Variants in PDE10A observed in about 807,000 individuals in gnomAD.
The protein encoded by PDE10A is cAMP and cAMP-inhibited cGMP 3',5'-cyclic phosphodiesterase 10A.
A neutral mutation model predicts 97.7 loss-of-function variants in PDE10A; 39 were observed. That is an observed-to-expected ratio of 0.40 (90% confidence interval 0.31 to 0.52). The LOEUF (loss-of-function observed/expected upper bound fraction) is 0.52, where lower values mean the gene tolerates loss of function less well. Among genes scored for constraint, PDE10A ranks in the 20% least tolerant of loss-of-function variants. PDE10A has a pLI of 0.56. For missense variants in PDE10A, 731 were observed against 1,047.8 expected (o/e 0.70, Z 4.17); for synonymous variants, 371 against 376.8 (o/e 0.98, Z 0.18).
intron 1 of PDE10A, among the ~76,000 whole-genome samples, chr6:165,979,267 G>A (rs1282285211): frequency 6.6e-6 from 1 of 152,202 alleles, no homozygotes; most frequent in African/African-American, 2.4e-5. Flanking sequence ...AGCACCAAGG[G>A]AAGGAGCACG....
At chr6:165,724,833 T>C (rs1186508431) in intron 1 of PDE10A, among the ~76,000 whole-genome samples, 2 of 152,168 alleles carry the variant, frequency 1.3e-5, no homozygotes, top group Non-Finnish European at 2.9e-5. Context: ...GGCAGCAGCA[T>C]CGGCTTCCAG....
At chr6:165,650,429 C>G (rs910102249) in intron 1 of PDE10A, among the ~76,000 whole-genome samples, 4 of 152,112 alleles carry the variant, frequency 2.6e-5, no homozygotes, top group African/African-American at 9.7e-5. Flanking sequence ...TGTGTTTCTT[C>G]CCAGTTTCTT....
Position 165,958,530 on chromosome 6 carries a change from A to G in PDE10A, c.-615+28999T>C, listed in dbSNP as rs1349249660. Reference sequence around the variant, plus strand: ...GAAAGAAAGAAAGAAAGAAAGAAAGAAAGAAAGAAAGAAAGAAAGAAAGAA... The same window carrying G: ...GAAAGAAAGAAAGAAAGAAAGAAAGGAAGAAAGAAAGAAAGAAAGAAAGAA... On this transcript the variant is annotated intron_variant, in intron 1 of 19. Coordinates refer to the PDE10A transcript ENST00000366882. Among the ~76,000 whole-genome samples, 8 of 29,128 alleles carry G rather than the reference A, an allele frequency of 2.7e-4. 1 individual carries two copies. The highest frequency in any genetic ancestry group is 1.0e-3 in the African/African-American group (8 of 7,794). The allele number at this position is 29,128 out of a possible 152,430, so 19.1% of individuals were successfully genotyped here.
intron 1 of PDE10A, among the ~76,000 whole-genome samples, chr6:165,694,406 G>A (rs1029658157): frequency 5.3e-5 from 8 of 152,248 alleles, no homozygotes; most frequent in African/African-American, 1.9e-4. Flanking sequence ...GTGAGACAAG[G>A]ACGAACCATT....
intron 1 of PDE10A, among the ~76,000 whole-genome samples, chr6:165,576,191 A>C (rs551805220): frequency 1.3e-5 from 2 of 152,352 alleles, no homozygotes; most frequent in South Asian, 4.1e-4. Context: ...GAAACACTGT[A>C]AACTTTTCGG....
chr6:165,727,808 A>C (rs1176047633), intron 1 of PDE10A, among the ~76,000 whole-genome samples: 1 of 152,256 alleles, frequency 6.6e-6, no homozygotes, highest in Non-Finnish European at 1.5e-5. Context: ...TCCAAAGAAC[A>C]ATGAAGACAT....
At chr6:165,861,783 A>G (rs2128476849) in intron 1 of PDE10A, among the ~76,000 whole-genome samples, 1 of 152,252 alleles carries the variant, frequency 6.6e-6, no homozygotes, top group South Asian at 2.1e-4. Context: ...CAGAGGTGAC[A>G]AGGATGTGCC....
intron 18 of PDE10A, among the ~76,000 whole-genome samples, chr6:165,355,166 A>G (rs745727229): frequency 1.3e-5 from 2 of 152,154 alleles, no homozygotes; most frequent in Admixed American, 6.6e-5. Flanking sequence ...ACTTCAAACA[A>G]AATGCTTTGT....
intron 1 of PDE10A, chr6:165,660,927 G>C (rs1790220969): frequency 1.3e-5 from 2 of 152,248 alleles, no homozygotes; most frequent in South Asian, 4.1e-4. Context: ...GCTCCTACCC[G>C]GCCCCGCCGC....
At chr6:165,456,781 T>C (rs1195952017) in intron 3 of PDE10A, among the ~76,000 whole-genome samples, 2 of 152,210 alleles carry the variant, frequency 1.3e-5, no homozygotes, top group African/African-American at 2.4e-5. Context: ...ATATTTCATC[T>C]AATAGAATGT....
At chr6:165,677,716 C>T (rs766052433) in intron 1 of PDE10A, among the ~76,000 whole-genome samples, 12 of 152,234 alleles carry the variant, frequency 7.9e-5, no homozygotes, top group South Asian at 2.1e-4. Flanking sequence ...CAGAGCTCTA[C>T]CCCATGAGGG....
chr6:165,355,580 A>G (rs1782971057), intron 18 of PDE10A, among the ~76,000 whole-genome samples: 2 of 152,300 alleles, frequency 1.3e-5, no homozygotes, highest in Non-Finnish European at 2.9e-5. Flanking sequence ...TTAAATGTCC[A>G]AAGTTGTGTA....
intron 1 of PDE10A, among the ~76,000 whole-genome samples, chr6:165,967,500 A>G (rs74475266): frequency 0.017 from 2,596 of 152,134 alleles, 73 homozygotes; most frequent in African/African-American, 0.058. Context: ...ACTCTGTCTC[A>G]AAAAAAAATT....
chr6:165,349,805 A>G (rs542782921), intron 18 of PDE10A, among the ~76,000 whole-genome samples: 1 of 152,304 alleles, frequency 6.6e-6, no homozygotes, highest in South Asian at 2.1e-4. Context: ...GGGCCAATGT[A>G]TGGCTCAGGC....
Position 165,594,968 on chromosome 6 carries a change from C to T in PDE10A, c.866-51400G>A, listed in dbSNP as rs144675785. 5.0e-3 allele frequency among the ~76,000 whole-genome samples: 759 copies of T among 152,308 alleles called. 3 individuals are homozygous for T. The highest frequency in any genetic ancestry group is 8.8e-3 in the African/African-American group (365 of 41,568). ...ATGAATTATGATTATCCGCAATCTA[C>T]AGGTGAAGAAACTGAAGTTCAGAGA... On this transcript the variant is annotated intron_variant, in intron 1 of 21. Coordinates refer to ENST00000539869, the MANE Select transcript of PDE10A (RefSeq NM_001385079.1).
At chr6:165,373,363 T>C (rs529244809) in intron 18 of PDE10A, among the ~76,000 whole-genome samples, 35 of 152,114 alleles carry the variant, frequency 2.3e-4, no homozygotes, top group Non-Finnish European at 4.1e-4. Context: ...GAATCTACAA[T>C]GAACTCAAAC....
At chr6:165,441,672 CCTT>C (rs1011424836) in intron 5 of PDE10A, among the ~76,000 whole-genome samples, 3 of 152,146 alleles carry the variant, frequency 2.0e-5, no homozygotes, top group African/African-American at 7.2e-5. Context: ...CAGGAATTCT[CCTT>C]CTTAAAGGGC....
rs752904985 is a variant in PDE10A, at chr6:165,435,222, CA to C, written c.1335+14del. On this transcript the variant is annotated intron_variant, in intron 6 of 21. Transcript: ENST00000539869. Reference sequence around the variant, plus strand: ...TTAGGTCAAAAGTGTCACAAAGAATCAAAAAGCCACTTACTCCAAGGATGTC... The same window carrying C: ...TTAGGTCAAAAGTGTCACAAAGAATCAAAAGCCACTTACTCCAAGGATGTC... 1.2e-6 allele frequency: 2 copies of C among 1,602,428 alleles called. No homozygotes were observed. The highest frequency in any genetic ancestry group is 1.7e-6 in the Non-Finnish European group (2 of 1,175,184).
intron 1 of PDE10A, among the ~76,000 whole-genome samples, chr6:165,741,000 A>G (rs1792707054): frequency 6.6e-6 from 1 of 152,112 alleles, no homozygotes; most frequent in Non-Finnish European, 1.5e-5. Flanking sequence ...AATACTAATA[A>G]TTATTGGTAT....
Sources: allele counts gnomAD v4.1 joint callset (sites outside exome capture counted in the v4.1 genomes callset), GRCh38; gene constraint gnomAD v4.1.1; transcripts MANE v1.5; gene names NCBI Gene and HGNC (gene_info 2026-07-23, HGNC 2026-07-21).